The following DSE variants were observed in gnomAD, a reference collection of about 807,000 sequenced individuals.
DSE encodes dermatan-sulfate epimerase.
Under a neutral mutation model 84.4 loss-of-function variants are expected in DSE, and 36 were observed. The ratio of observed to expected loss-of-function variants is 0.43; its 90% CI spans 0.33 to 0.56. The LOEUF (loss-of-function observed/expected upper bound fraction) is 0.56. Ranked by LOEUF, DSE falls within the 20% of genes least tolerant of loss-of-function variation. The pLI is 0.06. For missense variants in DSE, 862 were observed against 1,169.6 expected (o/e 0.74, Z 3.84); for synonymous variants, 410 against 430.1 (o/e 0.95, Z 0.58).
intron 2 of DSE, among the ~76,000 whole-genome samples, chr6:116,417,897 A>G (rs980919855): frequency 4.0e-4 from 61 of 152,216 alleles, no homozygotes; most frequent in Non-Finnish European, 2.1e-4. Context: ...AGTGGCAAGG[A>G]TAAGTTTTAA....
chr6:116,435,433 G>T (rs928140104), intron 5 of DSE, among the ~76,000 whole-genome samples, 154 bp from the exon 6 acceptor site: 1 of 152,200 alleles, frequency 6.6e-6, no homozygotes, highest in Admixed American at 6.5e-5. Flanking sequence ...TGTGCATACT[G>T]GTTGTCCTTG....
upstream of DSE, chr6:116,370,105 T>G: frequency 2.2e-6 from 1 of 459,010 alleles, no homozygotes; most frequent in South Asian, 2.1e-5. Flanking sequence ...GGCTGATTTT[T>G]GGAAAACAGG....
At chr6:116,372,116 T>C (rs1779626415) in intron 1 of DSE, among the ~76,000 whole-genome samples, 1 of 152,248 alleles carries the variant, frequency 6.6e-6, no homozygotes, top group African/African-American at 2.4e-5. Context: ...CACTTATACA[T>C]ATTTTTAGTA....
chr6:116,311,367 A>G (rs1328354212), intron 2 of DSE, among the ~76,000 whole-genome samples: 1 of 152,194 alleles, frequency 6.6e-6, no homozygotes, highest in African/African-American at 2.4e-5. Context: ...TAATGCCCAG[A>G]ACAATCAGTG....
At chr6:116,394,066 ATC>A (rs3836985) in intron 1 of DSE, among the ~76,000 whole-genome samples, 25,834 of 152,174 alleles carry the variant, frequency 0.17, 2,467 homozygotes, top group African/African-American at 0.26. Context: ...AAAGGAAAGA[ATC>A]TTGGCTTAGG....
In DSE at chr6:116,343,586, G is replaced by C. The variant is rs528114514; in HGVS notation, c.-53-55612G>C. Among the ~76,000 whole-genome samples the C allele has an allele frequency of 3.3e-5, 5 of 152,330 alleles. No individual in the cohort carries two copies. The South Asian group carries it at 1.0e-3, about 32-fold the overall frequency. ...CAACAGACCTGCAGCTGAGGGTCCT[G>C]ACTGTTAGAAGGAAAACTAACAAAC... On this transcript the variant is annotated intron_variant, in intron 2 of 3. Transcript: ENST00000430252.
rs1311549774 is a variant in DSE at position 116,437,037 on chromosome 6, A to G, written c.2569A>G (p.Lys857Glu). 7 of 1,614,006 alleles carry G rather than the reference A, an allele frequency of 4.3e-6. No homozygotes were observed. The highest frequency in any genetic ancestry group is 4.0e-5 in the African/African-American group (3 of 74,908). The change falls in exon 6 of 6, where the codon AAA (lysine) becomes GAA (glutamate). Residue 857 changes from lysine (K) to glutamate (E), a missense_variant. This residue lies in a region of DSE where 315 missense variants were observed against 348.1 expected (regional missense o/e 0.90). Transcript: ENST00000644252. ...ACCCATAGATGAAGATGAAGAAATGAAAGACCTTTTAGATTTTGCAGATGT... is the reference window on the plus strand; with the variant it reads ...ACCCATAGATGAAGATGAAGAAATGGAAGACCTTTTAGATTTTGCAGATGT... Reference protein sequence around the residue: ...ELPIDEDEEMKDLLDFADVTY... With the variant: ...ELPIDEDEEMEDLLDFADVTY...
chr6:116,437,394 GC>G lies in DSE; in HGVS notation c.*50del. On this transcript the variant is annotated 3_prime_UTR_variant, in exon 6 of 6. Coordinates refer to ENST00000644252, the MANE Select transcript of DSE (RefSeq NM_013352.4). ...TCATTTTGTGATCACAAGAGTCTAT[GC>G]AAAAAAAAAAATTTCTTTACCCCAG... 1 of 1,424,252 alleles carries G rather than the reference GC, an allele frequency of 7.0e-7. No individual in the cohort carries two copies. The highest frequency in any genetic ancestry group is 1.5e-5 in the African/African-American group (1 of 68,272). The allele number at this position is 1,424,252 out of a possible 1,614,324, so 88.2% of individuals were successfully genotyped here. A position where few individuals can be genotyped will look rare whatever the true frequency, so the allele number is the denominator to read the frequency against.
At chr6:116,320,056 G>T (rs1177840942) in intron 2 of DSE, among the ~76,000 whole-genome samples, 2 of 152,136 alleles carry the variant, frequency 1.3e-5, no homozygotes, top group Admixed American at 6.5e-5. Flanking sequence ...ACCAACCACA[G>T]CACAATACCC....
At chr6:116,409,431 C>T (rs1213972247) in intron 2 of DSE, among the ~76,000 whole-genome samples, 1 of 152,158 alleles carries the variant, frequency 6.6e-6, no homozygotes, top group Non-Finnish European at 1.5e-5. Flanking sequence ...GTGCCCACCA[C>T]CACGCCTGGC....
intron 2 of DSE, among the ~76,000 whole-genome samples, chr6:116,302,203 A>G (rs1775080134): frequency 6.6e-6 from 1 of 152,184 alleles, no homozygotes; most frequent in African/African-American, 2.4e-5. Flanking sequence ...TCCTTGAGGA[A>G]TCGCCACACT....
chr6:116,364,960 A>G (rs1014778437), intron 2 of DSE, among the ~76,000 whole-genome samples: 11 of 150,314 alleles, frequency 7.3e-5, no homozygotes, highest in African/African-American at 2.7e-4. Flanking sequence ...CAGCCTCCTG[A>G]GTAACTGGGA....
At chr6:116,427,536 A>G (rs962512086) in intron 3 of DSE, among the ~76,000 whole-genome samples, 3 of 152,240 alleles carry the variant, frequency 2.0e-5, no homozygotes. Flanking sequence ...AAGAATTATT[A>G]AGCATTTTGT....
At chr6:116,426,974 A>G (rs1310498016) in intron 3 of DSE, 147 bp downstream of exon 3, 1 of 1,077,126 alleles carries the variant, frequency 9.3e-7, no homozygotes, top group East Asian at 2.6e-5. Context: ...TCCCTACAGT[A>G]TCACTTAGTT....
At chr6:116,338,219 CTTTTTTTTTTT>C (rs893312210) in intron 2 of DSE, among the ~76,000 whole-genome samples, 7 of 91,194 alleles carry the variant, frequency 7.7e-5, no homozygotes, top group Non-Finnish European at 1.2e-4. Flanking sequence ...TTTCTTCTTT[CTTTTTTTTTTT>C]TTTTTTTTTT....
intron 1 of DSE, among the ~76,000 whole-genome samples, chr6:116,390,000 A>G (rs368537273): frequency 2.7e-5 from 4 of 150,060 alleles, no homozygotes; most frequent in East Asian, 3.9e-4. Context: ...ATTTTTGTTT[A>G]TAGTTATTTA....
chr6:116,411,893 T>G (rs1021084355), intron 2 of DSE, among the ~76,000 whole-genome samples: 1 of 152,260 alleles, frequency 6.6e-6, no homozygotes, highest in Non-Finnish European at 1.5e-5. Flanking sequence ...ACTTTTATTT[T>G]CAGTATAGCA....
At chr6:116,366,014 G>T (rs1248045086), upstream of DSE, 2 of 152,158 alleles carry the variant, frequency 1.3e-5, no homozygotes, top group Non-Finnish European at 2.9e-5. Flanking sequence ...ATCTCTCATT[G>T]ACAGCCCCTA....
chr6:116,384,718 C>T (rs545115134), intron 1 of DSE, among the ~76,000 whole-genome samples: 5 of 152,178 alleles, frequency 3.3e-5, no homozygotes, highest in Non-Finnish European at 2.9e-5. Flanking sequence ...TACCTCTTGA[C>T]GCAGTTAAAT....
Sources: gnomAD v4.1 joint callset for allele counts (sites outside exome capture counted in the v4.1 genomes callset) on GRCh38, gnomAD v4.1.1 for gene constraint, gnomAD v4.1.1 regional missense constraint, MANE v1.5 for transcripts, NCBI Gene and HGNC (gene_info 2026-07-23, HGNC 2026-07-21) for gene names.